The following CTSB variants were observed in gnomAD, a reference collection of about 807,000 sequenced individuals.
CTSB encodes cathepsin B, also known as APP secretase.
A neutral mutation model predicts 44.3 loss-of-function variants in CTSB; 57 were observed. That is an observed-to-expected ratio of 1.29 (90% confidence interval 1.04 to 1.60). The LOEUF is 1.60. Ranked by LOEUF, CTSB falls within the 40% of genes most tolerant of loss-of-function variation. The pLI, the probability that CTSB is intolerant of heterozygous loss-of-function variation, is 0.00. For missense variants in CTSB, 768 were observed against 443.0 expected (o/e 1.73, Z -6.59); for synonymous variants, 320 against 168.0 (o/e 1.91, Z -7.00).
intron 1 of CTSB, among the ~76,000 whole-genome samples, chr8:11,861,150 C>A (rs951549701): frequency 6.6e-6 from 1 of 152,224 alleles, no homozygotes; most frequent in East Asian, 1.9e-4. Flanking sequence ...GCTCTCAGGC[C>A]TCGGTCTCAT....
chr8:11,842,538 G>A lies in CTSB; in HGVS notation c.*2587C>T, dbSNP rs1273409118. ...AATCAACTCAGTTTGGGAGCAGGGA[G>A]AACTTTATTGAGGTTATGAATATAT... is the stretch of plus-strand genomic sequence containing the variant. On this transcript the variant is annotated 3_prime_UTR_variant, in exon 10 of 10. Coordinates refer to ENST00000353047, the MANE Select transcript of CTSB (RefSeq NM_001908.5). 6.6e-6 allele frequency: 1 copy of A among 152,146 alleles called. No homozygotes were observed. The highest frequency in any genetic ancestry group is 2.4e-5 in the African/African-American group (1 of 41,414). The allele number at this position is 152,146 out of a possible 1,614,324, so 9.4% of individuals were successfully genotyped here. A position where few individuals can be genotyped will look rare whatever the true frequency, so the allele number is the denominator to read the frequency against.
At chr8:11,865,453 G>T (rs1380530779) in intron 1 of CTSB, 1 of 152,048 alleles carries the variant, frequency 6.6e-6, no homozygotes, top group Non-Finnish European at 1.5e-5. Context: ...GCTGAGTGTG[G>T]AGGCACATGC....
At chr8:11,854,359 T>C (rs1386131597) in intron 1 of CTSB, among the ~76,000 whole-genome samples, 2 of 152,156 alleles carry the variant, frequency 1.3e-5, no homozygotes, top group African/African-American at 4.8e-5. Flanking sequence ...GACTGCGGTG[T>C]CAGTGCTTAA....
At chr8:11,851,951 G>C (rs374592698) in intron 3 of CTSB, among the ~76,000 whole-genome samples, 148 of 152,312 alleles carry the variant, frequency 9.7e-4, no homozygotes, top group African/African-American at 3.5e-3. Context: ...ACAGGCGTGA[G>C]CCACCATACT....
chr8:11,852,253 C>G (rs889252025), intron 3 of CTSB, among the ~76,000 whole-genome samples: 23 of 151,960 alleles, frequency 1.5e-4, no homozygotes, highest in African/African-American at 5.6e-4. Context: ...AGCCTGTGGC[C>G]CCAGCTACTC....
chr8:11,866,834 T>C (rs541306208), intron 1 of CTSB, among the ~76,000 whole-genome samples: 22 of 152,330 alleles, frequency 1.4e-4, no homozygotes, highest in African/African-American at 5.3e-4. Context: ...TGCTCCAGCC[T>C]GAGAGACAGA....
intron 6 of CTSB, 68 bp downstream of exon 6, chr8:11,847,999 T>C (rs1415190614): frequency 4.9e-6 from 7 of 1,427,992 alleles, no homozygotes; most frequent in Non-Finnish European, 6.8e-6. Flanking sequence ...TAAAGGCAAA[T>C]AAAGCCATGA....
chr8:11,848,289 G>A (rs1813838412), intron 5 of CTSB, 137 bp from the exon 6 acceptor site: 3 of 754,556 alleles, frequency 4.0e-6, no homozygotes, highest in Non-Finnish European at 2.4e-6. Flanking sequence ...AGACCTCCCA[G>A]ACCCCAAACC....
intron 3 of CTSB, 142 bp from the exon 4 acceptor site, chr8:11,851,122 C>T (rs1397250666): frequency 8.5e-6 from 4 of 467,930 alleles, no homozygotes; most frequent in African/African-American, 5.9e-5. Flanking sequence ...AGACAGGTGT[C>T]CTTGGTAATT....
intron 8 of CTSB, chr8:11,846,287 G>C (rs1813320994): frequency 6.6e-6 from 1 of 152,434 alleles, no homozygotes; most frequent in African/African-American, 2.4e-5. Flanking sequence ...GCCCAACCAG[G>C]CTCTCGGGTG....
chr8:11,856,998 T>A (rs1815625232), intron 1 of CTSB, among the ~76,000 whole-genome samples: 2 of 152,220 alleles, frequency 1.3e-5, no homozygotes, highest in South Asian at 4.1e-4. Flanking sequence ...ATTTCCAATT[T>A]GGTCTTCCTT....
chr8:11,846,268 C>A (rs572023283), intron 8 of CTSB: 1 of 152,574 alleles, frequency 6.6e-6, no homozygotes, highest in South Asian at 2.1e-4. Flanking sequence ...GGCTAAGGGG[C>A]TCAGGGCTGC....
chr8:11,849,270 G>T (rs538201990), intron 4 of CTSB, 106 bp from the exon 5 acceptor site: 2 of 777,656 alleles, frequency 2.6e-6, no homozygotes, highest in Non-Finnish European at 4.3e-6. Flanking sequence ...GTAGGCAACT[G>T]ATCTCTCAAC....
At chr8:11,854,293 C>G (rs1362826554) in intron 1 of CTSB, among the ~76,000 whole-genome samples, 2 of 152,128 alleles carry the variant, frequency 1.3e-5, no homozygotes, top group Admixed American at 6.5e-5. Context: ...GGGGCTCCCA[C>G]GGGTGGGTGA....
rs199677685 is a variant in CTSB, at chr8:11,847,797, G to C, written c.558C>G (p.Pro186=). The C allele has an allele frequency of 8.5e-5, 136 of 1,598,824 alleles. No homozygotes were observed. Among genetic ancestry groups the C allele is most frequent in the Non-Finnish European group, 8.2e-5 (97 of 1,175,758 alleles). ...GGGAGCCGTTGACGTGGTGCTCACAGGGAGGGATGGAGTACGGTCTGCACC... is the reference window on the plus strand; with the variant it reads ...GGGAGCCGTTGACGTGGTGCTCACACGGAGGGATGGAGTACGGTCTGCACC... ...HVGCRPYSIP[P]CEHHVNGSRP... Residue 186 remains proline, a synonymous_variant, in exon 7 of 10, where the codon CCC becomes CCG. Transcript: ENST00000353047.
intron 1 of CTSB, among the ~76,000 whole-genome samples, chr8:11,861,727 G>C (rs1252650673): frequency 6.6e-6 from 1 of 152,212 alleles, no homozygotes; most frequent in Non-Finnish European, 1.5e-5. Context: ...GTCTGCATCG[G>C]ATACCAAAGG....
chr8:11,856,045 G>A (rs1270800302), intron 1 of CTSB, among the ~76,000 whole-genome samples: 1 of 152,020 alleles, frequency 6.6e-6, no homozygotes, highest in Non-Finnish European at 1.5e-5. Flanking sequence ...ATAAAATAAA[G>A]TAAAATAAGT....
rs116145683 is a variant in CTSB, at chr8:11,846,882, C to G, written c.793+170G>C. ...CACCTGGACAAAGACAGTCAGGTGC[C>G]AGGCTGGTCCACAGAGGAGTGAGCC... On this transcript the variant is annotated intron_variant, in intron 8 of 9. Coordinates refer to ENST00000353047, the MANE Select transcript of CTSB (RefSeq NM_001908.5). Among the ~76,000 whole-genome samples the G allele has an allele frequency of 1.7e-3, 256 of 152,214 alleles. 2 individuals carry two copies. The highest frequency in any genetic ancestry group is 5.6e-3 in the African/African-American group (231 of 41,518).
chr8:11,847,396 G>T (rs148348117), intron 7 of CTSB, among the ~76,000 whole-genome samples: 1 of 152,198 alleles, frequency 6.6e-6, no homozygotes, highest in South Asian at 2.1e-4. Context: ...GGCCCCGGAA[G>T]AGGCCAGGAT....
Sources: gnomAD v4.1 joint callset for allele counts (sites outside exome capture counted in the v4.1 genomes callset) on GRCh38, gnomAD v4.1.1 for gene constraint, MANE v1.5 for transcripts, NCBI Gene and HGNC (gene_info 2026-07-23, HGNC 2026-07-21) for gene names.